The following RPA3 variants were observed in gnomAD, a reference collection of about 807,000 sequenced individuals.
RPA3 encodes replication protein A3.
Under a neutral mutation model 13.7 loss-of-function variants are expected in RPA3, and 24 were observed. The ratio of observed to expected loss-of-function variants is 1.75; its 90% CI spans 1.27 to 2.46. The LOEUF (loss-of-function observed/expected upper bound fraction) is 2.46, where lower values mean the gene tolerates loss of function less well. Among genes scored for constraint, RPA3 ranks in the 30% most tolerant of loss-of-function variants. RPA3 has a pLI of 0.00. For synonymous variants in RPA3, 59 were observed against 51.2 expected, an observed-to-expected ratio of 1.15 and a Z score of -0.65; for missense variants, 183 against 151.0, an observed-to-expected ratio of 1.21 and a Z score of -1.11.
chr7:7,673,204 C>T (rs1489388123), intron 4 of RPA3: 3 of 774,576 alleles, frequency 3.9e-6, no homozygotes, highest in Non-Finnish European at 6.6e-6. Flanking sequence ...CATAGAATTC[C>T]TAAGAGTAAC....
intron 4 of RPA3, among the ~76,000 whole-genome samples, chr7:7,649,481 G>A (rs538082536): frequency 6.6e-6 from 1 of 152,326 alleles, no homozygotes; most frequent in South Asian, 2.1e-4. Context: ...TGGCAATTAA[G>A]TTTCTAACAC....
At chr7:7,662,160 C>G (rs2348554) in intron 4 of RPA3, among the ~76,000 whole-genome samples, 78,832 of 151,988 alleles carry the variant, frequency 0.52, 20,619 homozygotes, top group East Asian at 0.74. Context: ...GCCCTTCCCC[C>G]CACCAAGCTC....
intron 4 of RPA3, among the ~76,000 whole-genome samples, chr7:7,648,984 C>A (rs1211010279): frequency 4.0e-5 from 6 of 151,850 alleles, no homozygotes; most frequent in African/African-American, 1.5e-4. Flanking sequence ...ATGGCAAAAC[C>A]CTGTCTCTAC....
At chr7:7,706,453 A>C (rs2115163288) in intron 2 of RPA3, among the ~76,000 whole-genome samples, 1 of 152,300 alleles carries the variant, frequency 6.6e-6, no homozygotes, top group South Asian at 2.1e-4. Flanking sequence ...AAAACCAAAA[A>C]TGAAACCTAT....
chr7:7,683,190 T>G (rs559057280), intron 4 of RPA3, among the ~76,000 whole-genome samples: 224 of 152,310 alleles, frequency 1.5e-3, no homozygotes, highest in Admixed American at 2.8e-3. Context: ...GTGGATTTAG[T>G]TGACTCAAAC....
intron 4 of RPA3, among the ~76,000 whole-genome samples, chr7:7,657,660 C>T (rs1019630087): frequency 1.3e-5 from 2 of 151,974 alleles, no homozygotes; most frequent in East Asian, 3.9e-4. Context: ...TGTTCTGTTC[C>T]ATTGGTGTAT....
Position 7,656,463 on chromosome 7 carries a change from C to G in RPA3, c.-757-15288G>C, listed in dbSNP as rs531844059. On this transcript the variant is annotated intron_variant, in intron 4 of 7. Coordinates refer to ENST00000223129, the MANE Select transcript of RPA3 (RefSeq NM_002947.5). ...GTATTTCTTCTAATGCTATTCCTCC[C>G]CTAGCCTTCCACCCCATGACAGGCC... Among the ~76,000 whole-genome samples, 3 of 152,258 alleles carry G rather than the reference C, an allele frequency of 2.0e-5. No individual in the cohort carries two copies. The East Asian group carries it at 5.8e-4, about 29-fold the overall frequency.
chr7:7,705,250 G>A (rs1222899187), intron 2 of RPA3, among the ~76,000 whole-genome samples: 2 of 152,164 alleles, frequency 1.3e-5, no homozygotes, highest in African/African-American at 4.8e-5. Context: ...TATAGTTGAT[G>A]CACTGTGATT....
At chr7:7,641,453 T>G (rs1015946466) in intron 4 of RPA3, 4 of 152,210 alleles carry the variant, frequency 2.6e-5, no homozygotes, top group African/African-American at 9.7e-5. Context: ...GCGGAATGAT[T>G]TGCAAGGTCC....
chr7:7,676,301 G>A (rs1008038797), intron 4 of RPA3: 3 of 394,982 alleles, frequency 7.6e-6, no homozygotes, highest in African/African-American at 6.2e-5. Flanking sequence ...GAATAAATGA[G>A]TTAATGTGTG....
At chr7:7,665,867 C>T (rs1442178183) in intron 4 of RPA3, among the ~76,000 whole-genome samples, 1 of 150,246 alleles carries the variant, frequency 6.7e-6, no homozygotes, top group Non-Finnish European at 1.5e-5. Context: ...GCATGTATCA[C>T]TATTTTGTTT....
At chr7:7,644,484 T>A (rs1161995506) in intron 4 of RPA3, among the ~76,000 whole-genome samples, 1 of 152,192 alleles carries the variant, frequency 6.6e-6, no homozygotes, top group Non-Finnish European at 1.5e-5. Flanking sequence ...CTTAAAGGTA[T>A]TCTATTTTTC....
intron 4 of RPA3, among the ~76,000 whole-genome samples, chr7:7,649,435 A>G (rs886224264): frequency 6.6e-6 from 1 of 152,194 alleles, no homozygotes; most frequent in African/African-American, 2.4e-5. Context: ...TAACCTGGTT[A>G]CCTTTTATAG....
intron 4 of RPA3, among the ~76,000 whole-genome samples, chr7:7,649,073 G>A (rs1363675635): frequency 1.4e-5 from 2 of 145,232 alleles, no homozygotes; most frequent in South Asian, 2.1e-4. Context: ...CAGGAGAATC[G>A]CTTGAACCCA....
At chr7:7,696,527 T>C (rs1248669419) in intron 2 of RPA3, among the ~76,000 whole-genome samples, 1 of 152,170 alleles carries the variant, frequency 6.6e-6, no homozygotes, top group African/African-American at 2.4e-5. Flanking sequence ...TTGTAGAAAT[T>C]CAGATGTCAT....
chr7:7,701,549 AT>A (rs1432445853), intron 2 of RPA3, among the ~76,000 whole-genome samples: 1 of 152,060 alleles, frequency 6.6e-6, no homozygotes, highest in Non-Finnish European at 1.5e-5. Flanking sequence ...ATGAAGTAGT[AT>A]TTTTCTGAAC....
intron 7 of RPA3, among the ~76,000 whole-genome samples, 171 bp downstream of exon 7, chr7:7,637,691 TAC>T (rs773372100): frequency 9.5e-5 from 14 of 147,926 alleles, no homozygotes; most frequent in South Asian, 4.2e-4. Flanking sequence ...TGTAATTACA[TAC>T]AGTTATATAA....
At chr7:7,693,804 A>G (rs1014207822) in intron 2 of RPA3, among the ~76,000 whole-genome samples, 1 of 152,192 alleles carries the variant, frequency 6.6e-6, no homozygotes, top group African/African-American at 2.4e-5. Flanking sequence ...TTAAACTTAT[A>G]AACTCTAATC....
intron 2 of RPA3, among the ~76,000 whole-genome samples, chr7:7,699,788 T>A (rs1451070576): frequency 6.6e-6 from 1 of 152,222 alleles, no homozygotes; most frequent in Non-Finnish European, 1.5e-5. Context: ...ATATTAAGTT[T>A]TTAGTAAATA....
Sources: gnomAD v4.1 joint callset for allele counts (sites outside exome capture counted in the v4.1 genomes callset) on GRCh38, gnomAD v4.1.1 for gene constraint, MANE v1.5 for transcripts, NCBI Gene and HGNC (gene_info 2026-07-23, HGNC 2026-07-21) for gene names.